Variants in PTPRD observed in about 807,000 individuals in gnomAD.
PTPRD encodes receptor-type tyrosine-protein phosphatase delta.
PTPRD carries 34 observed loss-of-function variants against 214.5 expected under a neutral mutation model. That is an observed-to-expected ratio of 0.16 (90% confidence interval 0.12 to 0.21). PTPRD has a LOEUF of 0.21. Among genes scored for constraint, PTPRD ranks in the 10% least tolerant of loss-of-function variants. The pLI is 1.00. For missense variants in PTPRD, 2,545 were observed against 2,398.7 expected (o/e 1.06, Z -1.27); for synonymous variants, 1,128 against 845.7 (o/e 1.33, Z -5.79).
chr9:9,605,617 T>A (rs192715176), intron 7 of PTPRD, among the ~76,000 whole-genome samples: 1 of 152,098 alleles, frequency 6.6e-6, no homozygotes, highest in Non-Finnish European at 1.5e-5. Context: ...GCAAATTATA[T>A]AACAAAATTT....
chr9:10,033,314 A>G (rs1010232403), intron 4 of PTPRD, among the ~76,000 whole-genome samples: 1 of 151,890 alleles, frequency 6.6e-6, no homozygotes, highest in Non-Finnish European at 1.5e-5. Context: ...TAAAATGTAT[A>G]TATAATAAGT....
chr9:10,458,064 A>T (rs1365565890), intron 2 of PTPRD, among the ~76,000 whole-genome samples: 1 of 152,034 alleles, frequency 6.6e-6, no homozygotes, highest in African/African-American at 2.4e-5. Flanking sequence ...ATTAATTAAA[A>T]ATCTCCCAGG....
chr9:8,930,575 C>T (rs970224445), intron 11 of PTPRD, among the ~76,000 whole-genome samples: 3 of 152,168 alleles, frequency 2.0e-5, no homozygotes, highest in African/African-American at 7.2e-5. Flanking sequence ...TACAGTCCCA[C>T]CAACAGTGTA....
intron 11 of PTPRD, among the ~76,000 whole-genome samples, chr9:8,744,905 AG>A (rs1230298679): frequency 1.8e-4 from 28 of 152,242 alleles, no homozygotes; most frequent in South Asian, 8.3e-4. Flanking sequence ...TAGAGAAAAT[AG>A]GTTGTGTGGG....
rs555407085 is a variant in PTPRD at position 9,086,250 on chromosome 9, T to C, written c.-142-67515A>G. ...CTGAACCTCCTTCTGACTGGTACTA[T>C]TCATTGAGACTAATTCACTGAGAGT... On this transcript the variant is annotated intron_variant, in intron 10 of 45. Transcript: ENST00000381196. Among the ~76,000 whole-genome samples the C allele has an allele frequency of 5.9e-5, 9 of 152,330 alleles. No individual in the cohort carries two copies. In the South Asian group the frequency reaches 1.7e-3, roughly 28 times the overall value.
chr9:8,458,719 T>C (rs2096286559), intron 33 of PTPRD, among the ~76,000 whole-genome samples: 1 of 152,050 alleles, frequency 6.6e-6, no homozygotes, highest in East Asian at 1.9e-4. Context: ...CCTTATCTCT[T>C]ACATGGAGAG....
intron 10 of PTPRD, among the ~76,000 whole-genome samples, chr9:9,123,045 C>T (rs981710403): frequency 6.6e-6 from 1 of 152,164 alleles, no homozygotes; most frequent in African/African-American, 2.4e-5. Context: ...TTTTAGCAAG[C>T]CTGATATCTT....
intron 9 of PTPRD, among the ~76,000 whole-genome samples, chr9:9,344,236 C>T (rs948704562): frequency 3.9e-5 from 6 of 152,042 alleles, no homozygotes; most frequent in African/African-American, 1.2e-4. Flanking sequence ...AACAGAAACC[C>T]AAACACCACA....
chr9:9,775,905 A>C (rs1360553503), intron 5 of PTPRD, among the ~76,000 whole-genome samples: 1 of 144,450 alleles, frequency 6.9e-6, no homozygotes, highest in South Asian at 2.3e-4. Flanking sequence ...GCAGTGAGCC[A>C]AGATCGGGCC....
chr9:10,595,648 A>G (rs1179491695), intron 2 of PTPRD, among the ~76,000 whole-genome samples: 1 of 151,368 alleles, frequency 6.6e-6, no homozygotes, highest in Non-Finnish European at 1.5e-5. Context: ...ATTCACAATT[A>G]TTATTATATA....
intron 2 of PTPRD, among the ~76,000 whole-genome samples, chr9:10,508,736 A>G (rs1249047530): frequency 6.6e-6 from 1 of 152,070 alleles, no homozygotes; most frequent in East Asian, 1.9e-4. Context: ...ATAGGTGGGA[A>G]TTGAACAATG....
intron 42 of PTPRD, among the ~76,000 whole-genome samples, chr9:8,339,835 C>G (rs1224755767): frequency 2.7e-5 from 4 of 147,466 alleles, no homozygotes; most frequent in Non-Finnish European, 6.0e-5. Context: ...ATGTGTATTT[C>G]AAAAAAAAAC....
At chr9:9,022,788 A>G (rs1156283932) in intron 10 of PTPRD, among the ~76,000 whole-genome samples, 1 of 152,194 alleles carries the variant, frequency 6.6e-6, no homozygotes, top group Non-Finnish European at 1.5e-5. Flanking sequence ...TGATTTGCTG[A>G]AAGTAGCTGC....
chr9:10,125,772 G>A (rs188730279), intron 3 of PTPRD, among the ~76,000 whole-genome samples: 2 of 151,820 alleles, frequency 1.3e-5, no homozygotes, highest in Non-Finnish European at 2.9e-5. Context: ...GTGAGCCACC[G>A]CACCCATCTT....
At chr9:9,914,096 T>G (rs2079992815) in intron 5 of PTPRD, among the ~76,000 whole-genome samples, 2 of 152,166 alleles carry the variant, frequency 1.3e-5, no homozygotes, top group Non-Finnish European at 2.9e-5. Flanking sequence ...CAGTCCTGCC[T>G]TGGGCAAACC....
chr9:10,506,345 A>G (rs2045955460), intron 2 of PTPRD, among the ~76,000 whole-genome samples: 2 of 152,296 alleles, frequency 1.3e-5, no homozygotes, highest in African/African-American at 4.8e-5. Context: ...CAAATTGAAA[A>G]GTAACCTTGG....
rs190863174 is a variant in PTPRD at position 8,386,520 on chromosome 9, G to T, written c.4386+2712C>A. The stretch of plus-strand genomic sequence containing the variant: ...ATTTCAAGCTTCAGCTCTTGGAGAG[G>T]TAATTTGTTTACGTTACCTGGACTA... On this transcript the variant is annotated intron_variant, in intron 37 of 45. Transcript: ENST00000381196. Among the ~76,000 whole-genome samples, 384 of 152,254 alleles carry T rather than the reference G, an allele frequency of 2.5e-3. 2 individuals are homozygous for T. Among genetic ancestry groups the T allele is most frequent in the African/African-American group, 8.7e-3 (361 of 41,552 alleles).
At chr9:8,744,034 C>T (rs1029210609) in intron 11 of PTPRD, among the ~76,000 whole-genome samples, 3 of 151,526 alleles carry the variant, frequency 2.0e-5, no homozygotes, top group East Asian at 1.9e-4. Context: ...TATGGAAAAA[C>T]GCTCACAAAA....
chr9:8,946,096 A>G (rs982372941), intron 11 of PTPRD, among the ~76,000 whole-genome samples: 5 of 152,214 alleles, frequency 3.3e-5, no homozygotes, highest in African/African-American at 1.2e-4. Flanking sequence ...AAATGTAAAT[A>G]CATACCTGTC....
Sources: allele counts gnomAD v4.1 joint callset (sites outside exome capture counted in the v4.1 genomes callset), GRCh38; gene constraint gnomAD v4.1.1; transcripts MANE v1.5; gene names NCBI Gene and HGNC (gene_info 2026-07-23, HGNC 2026-07-21).